The following BCKDHB variants were observed in gnomAD, a reference collection of about 807,000 sequenced individuals.
BCKDHB encodes branched chain keto acid dehydrogenase E1 subunit beta.
In BCKDHB, 41 loss-of-function variants were observed where a neutral mutation model predicts 48.5. That is an observed-to-expected ratio of 0.85 (90% CI 0.66 to 1.10). The LOEUF is 1.10. Among genes scored for constraint, BCKDHB ranks in the 50% least tolerant of loss-of-function variants. BCKDHB has a pLI of 0.00. For missense variants in BCKDHB, 496 were observed against 494.2 expected (o/e 1.00, Z -0.03); for synonymous variants, 201 against 174.8 (o/e 1.15, Z -1.18).
intron 8 of BCKDHB, among the ~76,000 whole-genome samples, chr6:80,211,920 G>A (rs547931841): frequency 6.6e-6 from 1 of 152,138 alleles, no homozygotes; most frequent in Non-Finnish European, 1.5e-5. Flanking sequence ...AGGGGAGGGG[G>A]TGTAAAACAG....
chr6:80,453,699 GT>G, the BCKDHB span, among the ~76,000 whole-genome samples: 1 of 152,172 alleles, frequency 6.6e-6, no homozygotes, highest in African/African-American at 2.4e-5. Flanking sequence ...ATAAAAAGGA[GT>G]AGTGTCGGGT....
chr6:80,127,237 C>G, intron 1 of BCKDHB: 1 of 342,092 alleles, frequency 2.9e-6, no homozygotes, highest in Non-Finnish European at 5.6e-6. Context: ...CTCACTTTGA[C>G]GGGTCTCCCT....
chr6:80,120,361 C>T (rs1057114914), intron 1 of BCKDHB, among the ~76,000 whole-genome samples: 12 of 151,662 alleles, frequency 7.9e-5, no homozygotes, highest in African/African-American at 2.9e-4. Context: ...ATTTATAATC[C>T]TTTGGATATA....
chr6:80,435,757 G>T, the BCKDHB span, among the ~76,000 whole-genome samples: 61 of 152,296 alleles, frequency 4.0e-4, 1 homozygote, highest in East Asian at 9.3e-3. Context: ...TTTTCAGCCA[G>T]GCACAGTGGC....
At chr6:80,223,896 C>CTTTT (rs1775567458) in intron 8 of BCKDHB, among the ~76,000 whole-genome samples, 1 of 152,074 alleles carries the variant, frequency 6.6e-6, no homozygotes, top group Non-Finnish European at 1.5e-5. Context: ...GTTAAATAGC[C>CTTTT]TTTTATCTGT....
downstream of BCKDHB, among the ~76,000 whole-genome samples, chr6:80,347,953 C>T (rs946913922): frequency 2.6e-5 from 4 of 152,130 alleles, no homozygotes; most frequent in African/African-American, 7.2e-5. Context: ...CCACTGCTCC[C>T]AGCCTCACAT....
the BCKDHB span, among the ~76,000 whole-genome samples, chr6:80,436,277 G>A: frequency 6.9e-5 from 10 of 144,948 alleles, no homozygotes; most frequent in Non-Finnish European, 1.2e-4. Context: ...TCCCGTCTCA[G>A]CCTCCGGAGT....
At chr6:80,270,336 A>T (rs1161000625) in intron 8 of BCKDHB, among the ~76,000 whole-genome samples, 1 of 152,166 alleles carries the variant, frequency 6.6e-6, no homozygotes, top group East Asian at 1.9e-4. Context: ...AAAATGAATC[A>T]TAAGTGCTTT....
At chr6:80,152,160 CT>C (rs5877696) in intron 3 of BCKDHB, among the ~76,000 whole-genome samples, 56,826 of 147,978 alleles carry the variant, frequency 0.38, 12,325 homozygotes, top group Admixed American at 0.57. Context: ...TTTTTGTATT[CT>C]TTTTTTTTTT....
At chr6:80,423,476 C>T in the BCKDHB span, among the ~76,000 whole-genome samples, 2 of 152,148 alleles carry the variant, frequency 1.3e-5, no homozygotes, top group East Asian at 1.9e-4. Context: ...TTGCTAACAT[C>T]CTATATTGCT....
At chr6:80,403,165 A>G in the BCKDHB span, among the ~76,000 whole-genome samples, 5 of 151,876 alleles carry the variant, frequency 3.3e-5, no homozygotes, top group East Asian at 3.8e-4. Context: ...TTTGATAGGA[A>G]TTGCATTGAC....
At chr6:80,198,132 G>A (rs1774217924) in intron 6 of BCKDHB, among the ~76,000 whole-genome samples, 1 of 152,170 alleles carries the variant, frequency 6.6e-6, no homozygotes, top group Non-Finnish European at 1.5e-5. Flanking sequence ...AGACCATACT[G>A]TCTTTGTTGG....
At chr6:80,128,762 T>C (rs1399062482) in intron 2 of BCKDHB, among the ~76,000 whole-genome samples, 1 of 152,170 alleles carries the variant, frequency 6.6e-6, no homozygotes, top group African/African-American at 2.4e-5. Context: ...ATAAAACAAA[T>C]GAGATTCTAG....
At chr6:80,218,441 A>G (rs1218135030) in intron 8 of BCKDHB, among the ~76,000 whole-genome samples, 6 of 152,308 alleles carry the variant, frequency 3.9e-5, no homozygotes, top group East Asian at 3.9e-4. Context: ...ATATAGGTGT[A>G]TACACGCACA....
chr6:80,244,105 TG>T (rs1776507119), intron 8 of BCKDHB, among the ~76,000 whole-genome samples: 2 of 152,336 alleles, frequency 1.3e-5, no homozygotes, highest in Admixed American at 1.3e-4. Flanking sequence ...GGGTTTTTAA[TG>T]TTAGGAAACT....
chr6:80,209,669 A>G (rs538535613), intron 8 of BCKDHB, among the ~76,000 whole-genome samples: 7 of 152,124 alleles, frequency 4.6e-5, no homozygotes, highest in Admixed American at 2.6e-4. Context: ...AGCATCAGTT[A>G]CAGCTGAGTT....
chr6:80,453,746 TGG>T, the BCKDHB span, among the ~76,000 whole-genome samples: 1 of 152,178 alleles, frequency 6.6e-6, no homozygotes, highest in Non-Finnish European at 1.5e-5. Flanking sequence ...CCCTCAGCTC[TGG>T]GGAGGTTGCA....
chr6:80,450,361 G>A, the BCKDHB span, among the ~76,000 whole-genome samples: 35 of 151,986 alleles, frequency 2.3e-4, no homozygotes, highest in African/African-American at 8.5e-4. Flanking sequence ...CATTTAATGG[G>A]GGTTTATGAA....
At chr6:80,146,682 G>C (rs1017651068) in intron 3 of BCKDHB, among the ~76,000 whole-genome samples, 2 of 152,138 alleles carry the variant, frequency 1.3e-5, no homozygotes, top group African/African-American at 4.8e-5. Flanking sequence ...TTGCCCAAAG[G>C]CTTAGGAATT....
Sources: gnomAD v4.1 joint callset for allele counts (sites outside exome capture counted in the v4.1 genomes callset) on GRCh38, gnomAD v4.1.1 for gene constraint, MANE v1.5 for transcripts, NCBI Gene and HGNC (gene_info 2026-07-23, HGNC 2026-07-21) for gene names.